Variants in DNAH9 observed in about 807,000 individuals in gnomAD.
The protein encoded by DNAH9 is dynein axonemal heavy chain 9.
DNAH9 carries 345 observed loss-of-function variants against 471.6 expected under a neutral mutation model. The ratio of observed to expected loss-of-function variants is 0.73; its 90% CI spans 0.67 to 0.80. The LOEUF is 0.80. Among genes scored for constraint, DNAH9 ranks in the 30% least tolerant of loss-of-function variants. The pLI is 0.00. For synonymous variants in DNAH9, 2,093 were observed against 2,123.6 expected, an observed-to-expected ratio of 0.99 and a Z score of 0.40; for missense variants, 5,407 against 5,609.2, an observed-to-expected ratio of 0.96 and a Z score of 1.15.
At chr17:11,934,296 C>T (rs1288402000) in intron 65 of DNAH9, among the ~76,000 whole-genome samples, 3 of 152,096 alleles carry the variant, frequency 2.0e-5, no homozygotes, top group African/African-American at 7.2e-5. Context: ...TTTCTAGCCT[C>T]AAATTAATAA....
intron 49 of DNAH9, among the ~76,000 whole-genome samples, chr17:11,837,360 G>A (rs1970882982): frequency 6.6e-6 from 1 of 152,166 alleles, no homozygotes; most frequent in Non-Finnish European, 1.5e-5. Flanking sequence ...CTTGGTGCAA[G>A]TCACTGAAGT....
At chr17:11,643,436 A>G (rs1299593413) in intron 10 of DNAH9, among the ~76,000 whole-genome samples, 1 of 152,238 alleles carries the variant, frequency 6.6e-6, no homozygotes, top group Non-Finnish European at 1.5e-5. Flanking sequence ...ATATTTAAAT[A>G]TATAAAAAAC....
chr17:11,725,428 T>G lies in DNAH9; in HGVS notation c.5710-2390T>G, dbSNP rs372433041. ...GAGAATAGAGGCATCGTCTATCTTG[T>G]TCACAGCTGATTCTTCATGACCTAG... is the stretch of plus-strand genomic sequence containing the variant. On this transcript the variant is annotated intron_variant, in intron 27 of 68. Coordinates refer to ENST00000262442, the MANE Select transcript of DNAH9 (RefSeq NM_001372.4). Among the ~76,000 whole-genome samples the G allele has an allele frequency of 1.8e-4, 27 of 152,386 alleles. No homozygotes were observed. In the South Asian group the frequency reaches 5.2e-3, roughly 29 times the overall value.
At position 11,768,761 on chromosome 17, in the gene DNAH9, T is replaced by C. The variant is rs12937846; in HGVS notation, c.7344+135T>C. ...CTAGTCATCCCCAGCTCCATGACTTTGCAGAGGAGATGATGGGTGTAATGA... is the reference window on the plus strand; with the variant it reads ...CTAGTCATCCCCAGCTCCATGACTTCGCAGAGGAGATGATGGGTGTAATGA... On this transcript the variant is annotated intron_variant, in intron 37 of 68. Coordinates refer to ENST00000262442, the MANE Select transcript of DNAH9 (RefSeq NM_001372.4). 106,914 of 1,086,594 alleles carry C rather than the reference T, an allele frequency of 0.098. 6,985 individuals are homozygous for C. The highest frequency in any genetic ancestry group is 0.28 in the African/African-American group (17,896 of 62,806). 67.3% of individuals were successfully genotyped at this position (1,086,594 alleles called of 1,614,324 possible). A position where few individuals can be genotyped will look rare whatever the true frequency, so the allele number is the denominator to read the frequency against.
At chr17:11,790,682 G>T (rs1290740502) in intron 41 of DNAH9, among the ~76,000 whole-genome samples, 1 of 151,600 alleles carries the variant, frequency 6.6e-6, no homozygotes, top group Non-Finnish European at 1.5e-5. Context: ...ATATATTTAT[G>T]ATTAAATCTA....
chr17:11,609,142 C>T (rs2072572428), intron 2 of DNAH9, among the ~76,000 whole-genome samples: 2 of 152,178 alleles, frequency 1.3e-5, no homozygotes, highest in South Asian at 4.1e-4. Flanking sequence ...GTATTACTGT[C>T]AACATTGTGT....
intron 2 of DNAH9, 88 bp downstream of exon 2, chr17:11,608,413 T>C: frequency 9.5e-7 from 1 of 1,055,270 alleles, no homozygotes. Flanking sequence ...TTTCTGTTCC[T>C]GACTCTGCAC....
At chr17:11,672,638 C>G (rs999281787) in intron 17 of DNAH9, among the ~76,000 whole-genome samples, 1 of 152,132 alleles carries the variant, frequency 6.6e-6, no homozygotes, top group Non-Finnish European at 1.5e-5. Context: ...TTTCCCTTCC[C>G]ACCCTTCCCA....
At chr17:11,693,362 T>A (rs1296850051) in intron 20 of DNAH9, among the ~76,000 whole-genome samples, 1 of 148,338 alleles carries the variant, frequency 6.7e-6, no homozygotes, top group Non-Finnish European at 1.5e-5. Context: ...GCGATTGTCA[T>A]GCCTCAGCCT....
At chr17:11,756,725 T>C (rs920195971) in intron 34 of DNAH9, 49 bp downstream of exon 34, 62 of 1,187,526 alleles carry the variant, frequency 5.2e-5, no homozygotes, top group Non-Finnish European at 7.8e-5. Flanking sequence ...CTTAGGGAGG[T>C]ACCTCTGGCT....
At chr17:11,894,564 C>T (rs765118051) in intron 59 of DNAH9, 68 bp downstream of exon 59, 66 of 1,582,882 alleles carry the variant, frequency 4.2e-5, no homozygotes, top group Non-Finnish European at 5.7e-5. Context: ...CACTGGTCCC[C>T]ATGAAGTCAG....
Position 11,742,167 on chromosome 17 carries a change from A to C in DNAH9, c.5973-8A>C, listed in dbSNP as rs139667153. 3 of 1,613,586 alleles carry C rather than the reference A, an allele frequency of 1.9e-6. No homozygotes were observed. Among genetic ancestry groups the C allele is most frequent in the South Asian group, 2.2e-5 (2 of 91,048 alleles). ...AACTGACTGGGCCTTCTGTCTTTCT[A>C]TACTCAGGCCTTGTGCAATGGTGGT... is the stretch of plus-strand genomic sequence containing the variant. On this transcript the variant is annotated splice_region_variant and splice_polypyrimidine_tract_variant and intron_variant, in intron 29 of 68. Transcript: ENST00000262442.
At chr17:11,685,954 G>T (rs1317083965) in intron 19 of DNAH9, among the ~76,000 whole-genome samples, 1 of 152,066 alleles carries the variant, frequency 6.6e-6, no homozygotes, top group South Asian at 2.1e-4. Context: ...ATAGGTGCAT[G>T]CCACCATGCC....
chr17:11,784,027 C>T (rs1473775339), intron 40 of DNAH9, among the ~76,000 whole-genome samples: 1 of 152,054 alleles, frequency 6.6e-6, no homozygotes, highest in Non-Finnish European at 1.5e-5. Context: ...TATGGATTCT[C>T]AGTATCAAAT....
intron 8 of DNAH9, 99 bp from the exon 9 acceptor site, chr17:11,636,535 G>A: frequency 1.2e-6 from 1 of 833,138 alleles, no homozygotes. Flanking sequence ...TTCTTACATT[G>A]GTAGGCATAT....
rs1452515890 is a variant in DNAH9, at chr17:11,623,258, G to A, written c.1350+3477G>A. 2.0e-5 allele frequency among the ~76,000 whole-genome samples: 3 copies of A among 152,016 alleles called. No individual in the cohort carries two copies. The highest frequency in any genetic ancestry group is 2.9e-5 in the Non-Finnish European group (2 of 68,000). ...CAAAGTGCTGGGATTACAGGTGTGAGCCACCGTGCCCGGCCAGCATTTCTT... is the reference window on the plus strand; with the variant it reads ...CAAAGTGCTGGGATTACAGGTGTGAACCACCGTGCCCGGCCAGCATTTCTT... On this transcript the variant is annotated intron_variant, in intron 6 of 68. Coordinates refer to ENST00000262442, the MANE Select transcript of DNAH9 (RefSeq NM_001372.4). This position sits in a 1 kb window ranked among gnomAD's most constrained non-coding sequence, Gnocchi z 4.1.
chr17:11,644,657 G>A lies in DNAH9; in HGVS notation c.1928G>A (p.Arg643Gln). 2 of 1,612,660 alleles carry A rather than the reference G, an allele frequency of 1.2e-6. No individual in the cohort carries two copies. The highest frequency in any genetic ancestry group is 1.7e-6 in the Non-Finnish European group (2 of 1,179,240). ...HPCMESAEGK[R>Q]MQQKYEDMLS... ...TGCATGGAATCTGCAGAAGGAAAGC[G>A]AATGCAACAAAAATATGAAGATATG... is the stretch of plus-strand genomic sequence containing the variant. Residue 643 changes from arginine (R) to glutamine (Q), a missense_variant, in exon 11 of 69, where the codon CGA becomes CAA. Arg to Gln is a conservative substitution (Grantham distance 43, BLOSUM62 1). Transcript: ENST00000262442.
At chr17:11,823,607 T>C (rs1391327097) in intron 48 of DNAH9, among the ~76,000 whole-genome samples, 1 of 152,234 alleles carries the variant, frequency 6.6e-6, no homozygotes, top group Non-Finnish European at 1.5e-5. Context: ...AGTAGTCATC[T>C]ATCTCTATCT....
At chr17:11,767,386 A>G (rs1436731848) in intron 36 of DNAH9, among the ~76,000 whole-genome samples, 6 of 152,232 alleles carry the variant, frequency 3.9e-5, no homozygotes, top group African/African-American at 7.2e-5. Context: ...CAGAATGAGA[A>G]CATCAAACAA....
Sources: allele counts gnomAD v4.1 joint callset (sites outside exome capture counted in the v4.1 genomes callset), GRCh38; gene constraint gnomAD v4.1.1; non-coding constraint Gnocchi (gnomAD v3.1); transcripts MANE v1.5; gene names NCBI Gene and HGNC (gene_info 2026-07-23, HGNC 2026-07-21).